Variants in FMNL2 observed in about 807,000 individuals in gnomAD.
FMNL2 encodes the protein formin-like protein 2.
In FMNL2, 51 loss-of-function variants were observed where a neutral mutation model predicts 130.2. The ratio of observed to expected loss-of-function variants is 0.39; its 90% CI spans 0.31 to 0.49. FMNL2 has a LOEUF of 0.49. Among genes scored for constraint, FMNL2 ranks in the 20% least tolerant of loss-of-function variants. The probability of loss-of-function intolerance (pLI) is 0.85; values close to 1 mark genes in which losing one functional copy is unlikely to be tolerated. For synonymous variants in FMNL2, 465 were observed against 467.1 expected, an observed-to-expected ratio of 1.00 and a Z score of 0.06; for missense variants, 977 against 1,316.2, an observed-to-expected ratio of 0.74 and a Z score of 3.99.
intron 4 of FMNL2, among the ~76,000 whole-genome samples, chr2:152,557,463 C>G (rs1157413378): frequency 6.6e-6 from 1 of 152,190 alleles, no homozygotes; most frequent in African/African-American, 2.4e-5. Context: ...TTCCACTTTC[C>G]CACTTTGCCG....
intron 5 of FMNL2, among the ~76,000 whole-genome samples, chr2:152,559,269 AG>A (rs1695396898): frequency 1.3e-5 from 2 of 152,184 alleles, no homozygotes; most frequent in Non-Finnish European, 2.9e-5. Context: ...GTGGCACTGG[AG>A]GGAGAGGTAA....
At chr2:152,488,964 G>C (rs1690989677) in intron 1 of FMNL2, among the ~76,000 whole-genome samples, 1 of 152,148 alleles carries the variant, frequency 6.6e-6, no homozygotes, top group African/African-American at 2.4e-5. Flanking sequence ...CTAGCTATTT[G>C]GGAGGCTGAG....
intron 1 of FMNL2, among the ~76,000 whole-genome samples, chr2:152,512,106 C>G (rs1692525000): frequency 6.6e-6 from 1 of 152,174 alleles, no homozygotes; most frequent in Non-Finnish European, 1.5e-5. Context: ...TTTCTAGCAT[C>G]TCAAGTGTGG....
intron 2 of FMNL2, among the ~76,000 whole-genome samples, chr2:152,530,441 C>T (rs1489620013): frequency 6.6e-6 from 1 of 152,138 alleles, no homozygotes; most frequent in Non-Finnish European, 1.5e-5. Context: ...CTGAAGTCTA[C>T]TGATGCCTGA....
At chr2:152,531,584 C>G (rs1693700721) in intron 2 of FMNL2, among the ~76,000 whole-genome samples, 1 of 151,760 alleles carries the variant, frequency 6.6e-6, no homozygotes, top group Non-Finnish European at 1.5e-5. Context: ...AAGTGATTCT[C>G]CTGCCTCCTG....
intron 1 of FMNL2, among the ~76,000 whole-genome samples, chr2:152,480,161 G>T (rs13415525): frequency 6.6e-6 from 1 of 152,138 alleles, no homozygotes; most frequent in African/African-American, 2.4e-5. Context: ...CTGATTCTTA[G>T]CCTTAGCAGG....
intron 1 of FMNL2, among the ~76,000 whole-genome samples, chr2:152,441,087 G>GC (rs1368883943): frequency 1.3e-5 from 2 of 152,158 alleles, no homozygotes; most frequent in Non-Finnish European, 1.5e-5. Flanking sequence ...AGCACTAAAT[G>GC]GGTTTATAGG....
chr2:152,403,416 T>C (rs1304952806), intron 1 of FMNL2, among the ~76,000 whole-genome samples: 1 of 152,188 alleles, frequency 6.6e-6, no homozygotes, highest in Non-Finnish European at 1.5e-5. Context: ...ATGTATTCAG[T>C]CATTTGTATC....
intron 7 of FMNL2, among the ~76,000 whole-genome samples, chr2:152,577,950 A>T (rs141858841): frequency 5.9e-5 from 9 of 152,140 alleles, no homozygotes; most frequent in Admixed American, 3.3e-4. Context: ...GTTACTTAAG[A>T]TAATTTGCAT....
intron 15 of FMNL2, among the ~76,000 whole-genome samples, chr2:152,624,839 A>G (rs1681665347): frequency 6.6e-6 from 1 of 152,072 alleles, no homozygotes; most frequent in African/African-American, 2.4e-5. Context: ...CTCAAAACCT[A>G]TTTTCTCATT....
At chr2:152,391,138 A>G (rs745862235) in intron 1 of FMNL2, among the ~76,000 whole-genome samples, 1 of 152,140 alleles carries the variant, frequency 6.6e-6, no homozygotes, top group African/African-American at 2.4e-5. Flanking sequence ...CGAACTTCCA[A>G]CTTGAATCAT....
intron 1 of FMNL2, chr2:152,390,460 C>G (rs1364414466): frequency 7.1e-7 from 1 of 1,411,140 alleles, no homozygotes; most frequent in Non-Finnish European, 1.0e-6. Context: ...CCTGAGAATT[C>G]CAAGCTGTCA....
intron 1 of FMNL2, chr2:152,390,507 A>G (rs929667214): frequency 6.5e-7 from 1 of 1,546,232 alleles, no homozygotes; most frequent in Non-Finnish European, 8.9e-7. Flanking sequence ...GGTGGAAAAG[A>G]TGATGTATGA....
chr2:152,600,761 G>C (rs1041154700), intron 9 of FMNL2, among the ~76,000 whole-genome samples: 5 of 149,446 alleles, frequency 3.3e-5, no homozygotes, highest in African/African-American at 1.2e-4. Flanking sequence ...TTTTGCTTTT[G>C]CTTCAATTCT....
chr2:152,375,877 C>CTCTCTCTCTCTATATATATATA lies in FMNL2; in HGVS notation c.117+40158_117+40159insCTCTCTCTCTATATATATATAT, dbSNP rs796954245. 5.1e-4 allele frequency among the ~76,000 whole-genome samples: 57 copies of CTCTCTCTCTCTATATATATATA among 112,468 alleles called. No individual in the cohort carries two copies. The East Asian group carries it at 9.3e-3, about 18-fold the overall frequency. 73.8% of individuals were successfully genotyped at this position (112,468 alleles called of 152,430 possible). On this transcript the variant is annotated intron_variant, in intron 1 of 25. Transcript: ENST00000288670. ...TCTCTCTCTCTCTCTCTCTCTCTCT[C>CTCTCTCTCTCTATATATATATA]TATATATATATATATATATAATTAT...
intron 2 of FMNL2, among the ~76,000 whole-genome samples, chr2:152,540,292 A>G (rs952117381): frequency 2.0e-5 from 3 of 152,080 alleles, no homozygotes; most frequent in African/African-American, 7.2e-5. Flanking sequence ...CCCCATGGCA[A>G]TAGGATCCCC....
intron 1 of FMNL2, among the ~76,000 whole-genome samples, chr2:152,465,930 C>G (rs1041327945): frequency 1.3e-5 from 2 of 152,130 alleles, no homozygotes; most frequent in African/African-American, 4.8e-5. Context: ...TGACCAGGAC[C>G]AGAAAGTTGC....
At chr2:152,372,367 G>A (rs1269055689) in intron 1 of FMNL2, among the ~76,000 whole-genome samples, 1 of 152,202 alleles carries the variant, frequency 6.6e-6, no homozygotes, top group Non-Finnish European at 1.5e-5. Flanking sequence ...AATTTGGTTA[G>A]TTGCCTGCCT....
At chr2:152,478,831 T>C (rs16831177) in intron 1 of FMNL2, among the ~76,000 whole-genome samples, 1,565 of 152,258 alleles carry the variant, frequency 0.01, 25 homozygotes, top group African/African-American at 0.036. Flanking sequence ...AAAAAGCTTA[T>C]ATGGATGAAA....
Sources: gnomAD v4.1 joint callset for allele counts (sites outside exome capture counted in the v4.1 genomes callset) on GRCh38, gnomAD v4.1.1 for gene constraint, MANE v1.5 for transcripts, NCBI Gene and HGNC (gene_info 2026-07-23, HGNC 2026-07-21) for gene names.